GLIPR1: variants seen among roughly 807,000 people sequenced by gnomAD.
The protein encoded by GLIPR1 is GLI pathogenesis related 1.
GLIPR1 carries 38 observed loss-of-function variants against 30.3 expected under a neutral mutation model. The ratio of observed to expected loss-of-function variants is 1.26; its 90% CI spans 0.97 to 1.65. The LOEUF is 1.65. Ranked by LOEUF, GLIPR1 falls within the 40% of genes most tolerant of loss-of-function variation. GLIPR1 has a pLI of 0.00. For synonymous variants in GLIPR1, 122 were observed against 110.6 expected (o/e 1.10, Z -0.65); for missense variants, 285 against 326.5 (o/e 0.87, Z 0.98).
intron 2 of GLIPR1, chr12:75,487,687 T>A (rs1335526444): frequency 4.5e-6 from 2 of 448,860 alleles, no homozygotes; most frequent in African/African-American, 4.0e-5. Flanking sequence ...TTGGAGAAGC[T>A]GAGACTCCAA....
chr12:75,490,561 C>A lies in GLIPR1; in HGVS notation c.533+43C>A, dbSNP rs12228735. On this transcript the variant is annotated intron_variant, in intron 3 of 5. Transcript: ENST00000266659. ...CCGGTTTATAGGAAACGCCCCCCCCCCCCCGCAAAAAAAAACAACAACAAA... is the reference window on the plus strand; with the variant it reads ...CCGGTTTATAGGAAACGCCCCCCCCACCCCGCAAAAAAAAACAACAACAAA... 4.0e-5 allele frequency: 8 copies of A among 199,440 alleles called. 2 individuals carry two copies. Among genetic ancestry groups the A allele is most frequent in the Middle Eastern group, 4.5e-4 (1 of 2,234 alleles). 12.4% of individuals were successfully genotyped at this position (199,440 alleles called of 1,614,324 possible).
rs1370677261 is a variant in GLIPR1, at chr12:75,503,291, A to C, written c.*4313A>C. ...AAGAGGAAACATGAATTTTGAATGA[A>C]ATTAATCCAAAGATAAAACTTTCTC... On this transcript the variant is annotated 3_prime_UTR_variant, in exon 6 of 6. Transcript: ENST00000266659. 6.6e-6 allele frequency: 1 copy of C among 152,240 alleles called. No individual in the cohort carries two copies. The highest frequency in any genetic ancestry group is 1.5e-5 in the Non-Finnish European group (1 of 67,974). 9.4% of individuals were successfully genotyped at this position (152,240 alleles called of 1,614,324 possible). A position where few individuals can be genotyped will look rare whatever the true frequency, so the allele number is the denominator to read the frequency against.
chr12:75,483,345 G>T (rs2046279937), intron 2 of GLIPR1: 1 of 152,140 alleles, frequency 6.6e-6, no homozygotes, highest in South Asian at 2.1e-4. Flanking sequence ...CAGTTTGAGG[G>T]TGCCTACTTT....
chr12:75,501,976 C>T lies in GLIPR1; in HGVS notation c.*2998C>T. 1 of 1,612,008 alleles carries T rather than the reference C, an allele frequency of 6.2e-7. No individual in the cohort carries two copies. The highest frequency in any genetic ancestry group is 1.1e-5 in the South Asian group (1 of 91,006). On this transcript the variant is annotated 3_prime_UTR_variant, in exon 6 of 6. Transcript: ENST00000266659. The stretch of plus-strand genomic sequence containing the variant: ...TTCTGATTTGCCTTCAAAAAGTATT[C>T]ACCACTAGCCAATTCTTTATCGATC...
intron 3 of GLIPR1, chr12:75,494,562 C>T (rs1594060883): frequency 6.6e-6 from 1 of 152,110 alleles, no homozygotes; most frequent in Non-Finnish European, 1.5e-5. Context: ...ATAACTATTT[C>T]AATTTAATTG....
intron 2 of GLIPR1, among the ~76,000 whole-genome samples, chr12:75,488,240 G>A (rs963308604): frequency 2.6e-5 from 4 of 152,054 alleles, no homozygotes; most frequent in Non-Finnish European, 1.5e-5. Context: ...GCCCCTATTC[G>A]AGACGGAGTT....
At chr12:75,490,547 GAAACGCCCCCCCC>G in intron 3 of GLIPR1, 29 bp downstream of exon 3, 1 of 74,874 alleles carries the variant, frequency 1.3e-5, no homozygotes. Context: ...CGGTTTATAG[GAAACGCCCCCCCC>G]CCCCCGCAAA....
intron 1 of GLIPR1, 103 bp downstream of exon 1, chr12:75,481,157 A>G: frequency 1.3e-6 from 1 of 793,410 alleles, no homozygotes; most frequent in Non-Finnish European, 2.0e-6. Context: ...TTTTTTTTTC[A>G]TTGTGATTAA....
rs1424021516 is a variant in GLIPR1 at position 75,500,474 on chromosome 12, TAATTG to T, written c.*1500_*1504del. 1 of 126,466 alleles carries T rather than the reference TAATTG, an allele frequency of 7.9e-6. No individual in the cohort carries two copies. The highest frequency in any genetic ancestry group is 2.5e-5 in the African/African-American group (1 of 39,360). 7.8% of individuals were successfully genotyped at this position (126,466 alleles called of 1,614,324 possible). ...AGTTTTCCAAATATTAATTCAATAT[TAATTG>T]AATATTCAATGAATTAATTCATTTA... On this transcript the variant is annotated 3_prime_UTR_variant, in exon 6 of 6. Transcript: ENST00000266659.
At position 75,499,750 on chromosome 12, in the gene GLIPR1, C is replaced by G. The variant is rs2046377943; in HGVS notation, c.*772C>G. 2 of 1,369,924 alleles carry G rather than the reference C, an allele frequency of 1.5e-6. No homozygotes were observed. The highest frequency in any genetic ancestry group is 2.0e-6 in the Non-Finnish European group (2 of 1,020,278). The allele number at this position is 1,369,924 out of a possible 1,614,324, so 84.9% of individuals were successfully genotyped here. ...TTCTCACAAATAAGGCAACTAATGC[C>G]TGATATCTCAAAATCCTTTACAAAA... On this transcript the variant is annotated 3_prime_UTR_variant, in exon 6 of 6. Coordinates refer to ENST00000266659, the MANE Select transcript of GLIPR1 (RefSeq NM_006851.3).
At chr12:75,491,815 T>C (rs1455334688) in intron 3 of GLIPR1, 1 of 152,122 alleles carries the variant, frequency 6.6e-6, no homozygotes, top group Non-Finnish European at 1.5e-5. Context: ...ATTTTAAAGG[T>C]TTTTAACCAT....
chr12:75,486,328 T>A (rs566721635), intron 2 of GLIPR1, among the ~76,000 whole-genome samples: 52 of 151,798 alleles, frequency 3.4e-4, no homozygotes, highest in African/African-American at 1.1e-3. Flanking sequence ...AAAAAAAAAA[T>A]TAAAGTGTTA....
chr12:75,483,141 G>A (rs2046279037), intron 2 of GLIPR1, among the ~76,000 whole-genome samples: 1 of 152,120 alleles, frequency 6.6e-6, no homozygotes, highest in Admixed American at 6.5e-5. Flanking sequence ...TATTATAAGA[G>A]TAAAATGAAT....
chr12:75,499,234 T>G lies in GLIPR1; in HGVS notation c.*256T>G, dbSNP rs529451464. 6.0e-5 allele frequency: 18 copies of G among 298,632 alleles called. No individual in the cohort carries two copies. Among genetic ancestry groups the G allele is most frequent in the Non-Finnish European group, 1.0e-4 (17 of 163,364 alleles). The allele number at this position is 298,632 out of a possible 1,614,324, so 18.5% of individuals were successfully genotyped here. A position where few individuals can be genotyped will look rare whatever the true frequency, so the allele number is the denominator to read the frequency against. On this transcript the variant is annotated 3_prime_UTR_variant, in exon 6 of 6. Coordinates refer to ENST00000266659, the MANE Select transcript of GLIPR1 (RefSeq NM_006851.3). ...CCTAACCCATGTTTCAGCTTCTAAA[T>G]CTGCAAAATGAGCAAGGTACAGTAG...
intron 1 of GLIPR1, chr12:75,481,263 C>T (rs976801104): frequency 1.0e-5 from 4 of 395,134 alleles, no homozygotes; most frequent in Non-Finnish European, 1.8e-5. Flanking sequence ...GCACATTTTA[C>T]TTCTCTTTGG....
At chr12:75,481,242 C>A in intron 1 of GLIPR1, 188 bp downstream of exon 1, 1 of 432,064 alleles carries the variant, frequency 2.3e-6, no homozygotes, top group Non-Finnish European at 4.1e-6. Flanking sequence ...TTGTTATAAG[C>A]AAGTGCCACA....
chr12:75,482,714 T>G (rs960878256), intron 2 of GLIPR1, among the ~76,000 whole-genome samples: 2 of 73,576 alleles, frequency 2.7e-5, no homozygotes, highest in Non-Finnish European at 5.6e-5. Context: ...ACCCATTGAG[T>G]TTTTTTTTTT....
intron 3 of GLIPR1, chr12:75,495,316 C>T (rs1039922779): frequency 1.8e-5 from 6 of 341,036 alleles, no homozygotes; most frequent in Non-Finnish European, 3.3e-5. Context: ...ATCTGTAAAA[C>T]AAGAATAACT....
intron 3 of GLIPR1, chr12:75,492,412 A>G (rs1001321188): frequency 3.9e-5 from 6 of 152,198 alleles, no homozygotes; most frequent in Admixed American, 2.6e-4. Context: ...TTAAGATACA[A>G]TTAATTTACT....
Sources: gnomAD v4.1 joint callset for allele counts (sites outside exome capture counted in the v4.1 genomes callset) on GRCh38, gnomAD v4.1.1 for gene constraint, MANE v1.5 for transcripts, NCBI Gene and HGNC (gene_info 2026-07-23, HGNC 2026-07-21) for gene names.